The following CNBD1 variants were observed in gnomAD, a reference collection of about 807,000 sequenced individuals.
CNBD1 encodes the protein cyclic nucleotide-binding domain-containing protein 1.
CNBD1 carries 71 observed loss-of-function variants against 54.4 expected under a neutral mutation model. The observed-to-expected ratio is 1.30, with a 90% CI of 1.08 to 1.59. CNBD1 has a LOEUF of 1.59. Ranked by LOEUF, CNBD1 falls within the 40% of genes most tolerant of loss-of-function variation. The pLI is 0.00. For synonymous variants in CNBD1, 182 were observed against 170.7 expected, an observed-to-expected ratio of 1.07 and a Z score of -0.51; for missense variants, 659 against 518.0, an observed-to-expected ratio of 1.27 and a Z score of -2.64.
intron 4 of CNBD1, among the ~76,000 whole-genome samples, chr8:87,070,164 A>T (rs116275077): frequency 6.6e-6 from 1 of 152,002 alleles, no homozygotes; most frequent in Non-Finnish European, 1.5e-5. Flanking sequence ...TCCTTCTTCC[A>T]TTGTCACTTC....
At chr8:87,279,550 A>C (rs941031055) in intron 6 of CNBD1, among the ~76,000 whole-genome samples, 23 of 151,412 alleles carry the variant, frequency 1.5e-4, no homozygotes, top group Admixed American at 6.6e-4. Flanking sequence ...AGATTATACT[A>C]ACCAGAAGGC....
At chr8:87,368,909 A>G (rs1388158551) in intron 10 of CNBD1, among the ~76,000 whole-genome samples, 2 of 151,906 alleles carry the variant, frequency 1.3e-5, no homozygotes, top group Non-Finnish European at 2.9e-5. Context: ...CAAATGTCAG[A>G]TTCGGCTTCC....
At chr8:87,355,375 A>C (rs1026399796) in intron 10 of CNBD1, among the ~76,000 whole-genome samples, 4 of 152,148 alleles carry the variant, frequency 2.6e-5, no homozygotes, top group Non-Finnish European at 5.9e-5. Context: ...GGTTCAGGTC[A>C]AGTATGTAAC....
At chr8:87,276,754 A>T (rs1328841584) in intron 6 of CNBD1, among the ~76,000 whole-genome samples, 2 of 151,888 alleles carry the variant, frequency 1.3e-5, no homozygotes, top group Non-Finnish European at 1.5e-5. Flanking sequence ...GAAGGGAAAT[A>T]CATTATTTCG....
intron 4 of CNBD1, among the ~76,000 whole-genome samples, chr8:87,008,644 A>G (rs987018999): frequency 6.6e-6 from 1 of 152,192 alleles, no homozygotes; most frequent in African/African-American, 2.4e-5. Flanking sequence ...AGAAATCATC[A>G]GGGAGTTAGC....
At chr8:87,121,930 A>G (rs1422342764) in intron 4 of CNBD1, among the ~76,000 whole-genome samples, 1 of 150,954 alleles carries the variant, frequency 6.6e-6, no homozygotes, top group Admixed American at 6.6e-5. Context: ...TTATTGTCAT[A>G]TATATATATA....
At chr8:86,988,486 G>A (rs1401363296) in intron 4 of CNBD1, among the ~76,000 whole-genome samples, 1 of 151,998 alleles carries the variant, frequency 6.6e-6, no homozygotes, top group African/African-American at 2.4e-5. Flanking sequence ...ATCAGGTGGG[G>A]TATGCATCAC....
At chr8:87,195,629 A>AAC (rs1813705489) in intron 4 of CNBD1, among the ~76,000 whole-genome samples, 1 of 151,012 alleles carries the variant, frequency 6.6e-6, no homozygotes, top group Non-Finnish European at 1.5e-5. Flanking sequence ...GCTAGAGTGC[A>AAC]ATGGTGCAAT....
At chr8:87,425,234 C>G (rs1448449557) in intron 2 of CNBD1, among the ~76,000 whole-genome samples, 1 of 151,944 alleles carries the variant, frequency 6.6e-6, no homozygotes, top group Non-Finnish European at 1.5e-5. Context: ...AAATTTTTTT[C>G]AAAGTTTTCA....
intron 4 of CNBD1, among the ~76,000 whole-genome samples, chr8:87,138,891 T>G (rs1812314526): frequency 6.6e-6 from 1 of 152,204 alleles, no homozygotes; most frequent in South Asian, 2.1e-4. Context: ...ATGATGTACT[T>G]AAAAGGCAAA....
At chr8:87,044,311 A>G (rs1810136279) in intron 4 of CNBD1, among the ~76,000 whole-genome samples, 1 of 152,048 alleles carries the variant, frequency 6.6e-6, no homozygotes, top group Admixed American at 6.6e-5. Flanking sequence ...AAATCTGGAT[A>G]TATCCTTGGA....
chr8:87,025,618 A>G (rs566053333), intron 4 of CNBD1, among the ~76,000 whole-genome samples: 3 of 150,714 alleles, frequency 2.0e-5, no homozygotes, highest in Non-Finnish European at 3.0e-5. Context: ...TGTAACACTC[A>G]CTGTGAAGGT....
intron 4 of CNBD1, among the ~76,000 whole-genome samples, chr8:87,033,273 T>C (rs1020375156): frequency 6.6e-6 from 1 of 152,188 alleles, no homozygotes; most frequent in Admixed American, 6.5e-5. Context: ...ATCTAAAGGT[T>C]GAATTAGAGA....
intron 4 of CNBD1, among the ~76,000 whole-genome samples, chr8:86,945,241 A>G (rs1807438759): frequency 6.6e-6 from 1 of 152,190 alleles, no homozygotes; most frequent in South Asian, 2.1e-4. Context: ...AATGCAGATT[A>G]AGATCCTCTG....
intron 3 of CNBD1, among the ~76,000 whole-genome samples, chr8:86,928,677 T>C (rs1809406320): frequency 1.3e-5 from 2 of 152,200 alleles, no homozygotes; most frequent in Admixed American, 6.5e-5. Context: ...ATGGGTGAAG[T>C]CTCACTGCCA....
At chr8:87,427,519 T>C (rs1048077134) in intron 2 of CNBD1, among the ~76,000 whole-genome samples, 1 of 152,152 alleles carries the variant, frequency 6.6e-6, no homozygotes, top group Non-Finnish European at 1.5e-5. Flanking sequence ...AAATGTAATA[T>C]GGAGATTACA....
intron 4 of CNBD1, among the ~76,000 whole-genome samples, chr8:87,142,858 TGTTC>T (rs1310246686): frequency 6.6e-6 from 1 of 151,096 alleles, no homozygotes; most frequent in African/African-American, 2.4e-5. Flanking sequence ...TTGTGCTCGT[TGTTC>T]GTGAGATTTT....
intron 3 of CNBD1, among the ~76,000 whole-genome samples, chr8:86,927,528 T>G (rs967887090): frequency 9.9e-5 from 15 of 152,016 alleles, no homozygotes; most frequent in African/African-American, 3.6e-4. Context: ...ATTACATTGA[T>G]GGGATAGTAG....
At chr8:87,312,150 A>G (rs1809279750) in intron 8 of CNBD1, among the ~76,000 whole-genome samples, 1 of 152,092 alleles carries the variant, frequency 6.6e-6, no homozygotes, top group Non-Finnish European at 1.5e-5. Context: ...TTTTCCTCTG[A>G]AAGGTGCAAA....
Sources: allele counts gnomAD v4.1 joint callset (sites outside exome capture counted in the v4.1 genomes callset), GRCh38; gene constraint gnomAD v4.1.1; transcripts MANE v1.5; gene names NCBI Gene and HGNC (gene_info 2026-07-23, HGNC 2026-07-21).